FAM227A: variants seen among roughly 807,000 people sequenced by gnomAD.
FAM227A encodes the protein protein FAM227A.
A neutral mutation model predicts 74.7 loss-of-function variants in FAM227A; 80 were observed. That is an observed-to-expected ratio of 1.07 (90% CI 0.89 to 1.29). FAM227A has a LOEUF of 1.29. Among genes scored for constraint, FAM227A ranks in the 50% most tolerant of loss-of-function variants. The probability of loss-of-function intolerance (pLI) is 0.00; values close to 1 mark genes in which losing one functional copy is unlikely to be tolerated. For missense variants in FAM227A, 654 were observed against 683.4 expected, an observed-to-expected ratio of 0.96 and a Z score of 0.48; for synonymous variants, 237 against 241.8, an observed-to-expected ratio of 0.98 and a Z score of 0.19.
rs993639777 is a variant in FAM227A at position 38,585,122 on chromosome 22, T to C, written c.*1003A>G. On this transcript the variant is annotated 3_prime_UTR_variant, in exon 17 of 17. Transcript: ENST00000535113. ...ATTTAAAATTTTTTAATTAAAAAAA[T>C]TAATTTACATTTAAATCCTGACTTT... 2 of 152,160 alleles carry C rather than the reference T, an allele frequency of 1.3e-5. No individual in the cohort carries two copies. The highest frequency in any genetic ancestry group is 4.8e-5 in the African/African-American group (2 of 41,444). The allele number at this position is 152,160 out of a possible 1,614,324, so 9.4% of individuals were successfully genotyped here.
chr22:38,648,585 C>T (rs993669934), intron 2 of FAM227A, among the ~76,000 whole-genome samples: 1 of 149,548 alleles, frequency 6.7e-6, no homozygotes, highest in Admixed American at 6.7e-5. Flanking sequence ...CCAGCCCGGG[C>T]GACAGAGTGA....
chr22:38,653,294 T>C (rs1319337539), intron 1 of FAM227A, among the ~76,000 whole-genome samples: 3 of 152,122 alleles, frequency 2.0e-5, no homozygotes, highest in African/African-American at 4.8e-5. Context: ...CCACTGATTC[T>C]ACATTATGGT....
chr22:38,642,464 G>T (rs998853734), intron 3 of FAM227A, among the ~76,000 whole-genome samples: 2 of 152,144 alleles, frequency 1.3e-5, no homozygotes, highest in Non-Finnish European at 2.9e-5. Flanking sequence ...CTTGGGTTTG[G>T]CCATGACTTT....
intron 11 of FAM227A, chr22:38,618,436 TC>T (rs1472859765): frequency 1.3e-5 from 2 of 152,226 alleles, no homozygotes; most frequent in Admixed American, 1.3e-4. Flanking sequence ...AAACCTCTTT[TC>T]CTTTGTCTTG....
intron 6 of FAM227A, among the ~76,000 whole-genome samples, chr22:38,631,641 G>A (rs947798665): frequency 2.0e-5 from 3 of 152,124 alleles, no homozygotes; most frequent in Non-Finnish European, 4.4e-5. Flanking sequence ...TGACACATGT[G>A]GGGTACTCCA....
At position 38,580,254 on chromosome 22, in the gene FAM227A, A is replaced by G. The variant is rs2090695660; in HGVS notation, c.*5871T>C. 1 of 152,064 alleles carries G rather than the reference A, an allele frequency of 6.6e-6. No individual in the cohort carries two copies. The highest frequency in any genetic ancestry group is 6.6e-5 in the Admixed American group (1 of 15,250). 9.4% of individuals were successfully genotyped at this position (152,064 alleles called of 1,614,324 possible). A position where few individuals can be genotyped will look rare whatever the true frequency, so the allele number is the denominator to read the frequency against. On this transcript the variant is annotated 3_prime_UTR_variant, in exon 17 of 17. Coordinates refer to ENST00000535113, the MANE Select transcript of FAM227A (RefSeq NM_001013647.2). ...CTCTTTTAAGTCTCTTTTAATCTAT[A>G]TATTCCCCCTCTCTTTTTCCCTTGA... is the stretch of plus-strand genomic sequence containing the variant.
rs191093722 is a variant in FAM227A at position 38,583,842 on chromosome 22, G to A, written c.*2283C>T. 6.6e-6 allele frequency: 1 copy of A among 152,368 alleles called. No individual in the cohort carries two copies. Among genetic ancestry groups the A allele is most frequent in the East Asian group, 1.9e-4 (1 of 5,176 alleles). 9.4% of individuals were successfully genotyped at this position (152,368 alleles called of 1,614,324 possible). A position where few individuals can be genotyped will look rare whatever the true frequency, so the allele number is the denominator to read the frequency against. ...GATTCAAGTAAAGATGTGTGTCTGAGGGATGAGCTACATTTCCCAAGATCT... is the reference window on the plus strand; with the variant it reads ...GATTCAAGTAAAGATGTGTGTCTGAAGGATGAGCTACATTTCCCAAGATCT... On this transcript the variant is annotated 3_prime_UTR_variant, in exon 17 of 17. Coordinates refer to ENST00000535113, the MANE Select transcript of FAM227A (RefSeq NM_001013647.2).
intron 15 of FAM227A, among the ~76,000 whole-genome samples, chr22:38,594,651 C>T (rs1396461925): frequency 1.3e-5 from 2 of 152,034 alleles, no homozygotes; most frequent in African/African-American, 4.8e-5. Flanking sequence ...TGGTCTGTGT[C>T]CCATAGTATT....
At chr22:38,639,423 A>C (rs1008315481) in intron 4 of FAM227A, among the ~76,000 whole-genome samples, 3 of 152,040 alleles carry the variant, frequency 2.0e-5, no homozygotes, top group East Asian at 3.9e-4. Context: ...AAAAAAAAAA[A>C]AAACCAAGGG....
intron 11 of FAM227A, among the ~76,000 whole-genome samples, chr22:38,614,532 C>T (rs1015917103): frequency 7.2e-5 from 11 of 152,108 alleles, no homozygotes; most frequent in Non-Finnish European, 1.5e-4. Context: ...CAGACTACTG[C>T]CATTGAAATG....
At chr22:38,637,596 G>A (rs1569231440) in intron 5 of FAM227A, among the ~76,000 whole-genome samples, 1 of 152,236 alleles carries the variant, frequency 6.6e-6, no homozygotes, top group Non-Finnish European at 1.5e-5. Flanking sequence ...GTCAATGAAA[G>A]AACAGTTCAT....
In FAM227A at chr22:38,623,285, G is replaced by T; in HGVS notation, c.851-6C>A. The T allele has an allele frequency of 6.5e-7, 1 of 1,546,244 alleles. No individual in the cohort carries two copies. The highest frequency in any genetic ancestry group is 8.8e-7 in the Non-Finnish European group (1 of 1,142,038). On this transcript the variant is annotated splice_region_variant and splice_polypyrimidine_tract_variant and intron_variant, in intron 9 of 16. Coordinates refer to ENST00000535113, the MANE Select transcript of FAM227A (RefSeq NM_001013647.2). ...CTGTGGGCTAGGATAGGTGCCTAAG[G>T]GAGGAGTCAAGAGTGAGAATGGGGC...
intron 6 of FAM227A, among the ~76,000 whole-genome samples, chr22:38,632,254 G>A (rs1274583309): frequency 6.6e-6 from 1 of 152,104 alleles, no homozygotes; most frequent in African/African-American, 2.4e-5. Context: ...TGATTGCTAT[G>A]GTCTGAATGT....
chr22:38,601,468 G>C (rs372192851), intron 13 of FAM227A, among the ~76,000 whole-genome samples: 24 of 152,288 alleles, frequency 1.6e-4, no homozygotes, highest in African/African-American at 5.8e-4. Context: ...AGAGGGAGCA[G>C]GTGCTGTGGT....
At position 38,635,836 on chromosome 22, in the gene FAM227A, C is replaced by CA. The variant is rs576225338; in HGVS notation, c.519+614dup. On this transcript the variant is annotated intron_variant, in intron 6 of 16. Coordinates refer to ENST00000535113, the MANE Select transcript of FAM227A (RefSeq NM_001013647.2). ...GCAACCTAGCAAGACCTCCTCTCTA[C>CA]AAAAAAATTTTTTTAAAAACTAGCC... Among the ~76,000 whole-genome samples, 67 of 151,958 alleles carry CA rather than the reference C, an allele frequency of 4.4e-4. 1 individual carries two copies. In the East Asian group the frequency reaches 9.7e-3, roughly 22 times the overall value.
At chr22:38,628,688 G>A in intron 7 of FAM227A, 146 bp downstream of exon 7, 2 of 662,704 alleles carry the variant, frequency 3.0e-6, no homozygotes, top group Non-Finnish European at 5.4e-6. Context: ...GCTGAGGCAT[G>A]GGACGGGAGG....
intron 3 of FAM227A, among the ~76,000 whole-genome samples, chr22:38,641,027 C>G (rs1442414195): frequency 6.6e-6 from 1 of 152,098 alleles, no homozygotes; most frequent in Non-Finnish European, 1.5e-5. Context: ...GGGTATGAGT[C>G]ACTGTAGCAA....
At chr22:38,612,522 G>A (rs1457693727) in intron 11 of FAM227A, among the ~76,000 whole-genome samples, 1 of 152,090 alleles carries the variant, frequency 6.6e-6, no homozygotes, top group Non-Finnish European at 1.5e-5. Context: ...ATCTTCTGGG[G>A]TCATTACTTG....
At chr22:38,624,421 AAG>A (rs1229799234) in intron 9 of FAM227A, among the ~76,000 whole-genome samples, 1 of 152,056 alleles carries the variant, frequency 6.6e-6, no homozygotes, top group African/African-American at 2.4e-5. Context: ...GGGTGTGCAG[AAG>A]AGTTAACACA....
Sources: gnomAD v4.1 joint callset for allele counts (sites outside exome capture counted in the v4.1 genomes callset) on GRCh38, gnomAD v4.1.1 for gene constraint, MANE v1.5 for transcripts, NCBI Gene and HGNC (gene_info 2026-07-23, HGNC 2026-07-21) for gene names.